PLXDC2: variants seen among roughly 807,000 people sequenced by gnomAD.
The protein encoded by PLXDC2 is plexin domain containing 2, also known as plexin domain-containing protein 2.
Under a neutral mutation model 68.9 loss-of-function variants are expected in PLXDC2, and 40 were observed. The ratio of observed to expected loss-of-function variants is 0.58; its 90% CI spans 0.45 to 0.76. The LOEUF is 0.76. Among genes scored for constraint, PLXDC2 ranks in the 30% least tolerant of loss-of-function variants. The probability of loss-of-function intolerance (pLI) is 0.00; values close to 1 mark genes in which losing one functional copy is unlikely to be tolerated. For synonymous variants in PLXDC2, 243 were observed against 234.2 expected (o/e 1.04, Z -0.34); for missense variants, 644 against 661.9 (o/e 0.97, Z 0.30).
chr10:20,044,203 CTCTCTCTGTCTTTCTTTCTTTCTTTCTTT>C (rs1835740600), intron 2 of PLXDC2, among the ~76,000 whole-genome samples: 2 of 131,210 alleles, frequency 1.5e-5, no homozygotes, highest in African/African-American at 6.1e-5. Flanking sequence ...CTCTCTCTCT[CTCTCTCTGTCTTTCTTTCTTTCTTTCTTT>C]CTTTCTTTCT....
intron 4 of PLXDC2, among the ~76,000 whole-genome samples, chr10:20,135,290 G>A (rs761547696): frequency 1.3e-5 from 2 of 152,162 alleles, no homozygotes; most frequent in Non-Finnish European, 2.9e-5. Context: ...GGTACTTTGT[G>A]TACTATAAAA....
intron 1 of PLXDC2, among the ~76,000 whole-genome samples, chr10:19,956,285 T>A (rs932258213): frequency 6.6e-6 from 1 of 152,180 alleles, no homozygotes; most frequent in Non-Finnish European, 1.5e-5. Context: ...GGGGGGTGTC[T>A]CAGCACTTGA....
chr10:19,818,348 G>C (rs1836397718), intron 1 of PLXDC2, among the ~76,000 whole-genome samples: 1 of 151,376 alleles, frequency 6.6e-6, no homozygotes, highest in East Asian at 2.0e-4. Flanking sequence ...GAAGGTTGGG[G>C]GACACCTGGG....
intron 4 of PLXDC2, among the ~76,000 whole-genome samples, chr10:20,093,542 T>G (rs1833308635): frequency 6.6e-6 from 1 of 152,192 alleles, no homozygotes; most frequent in South Asian, 2.1e-4. Flanking sequence ...TCTACCAAGT[T>G]CAGGAGAGTT....
rs2131378034 is a variant in PLXDC2 at position 19,916,963 on chromosome 10, A to G, written c.113-84812A>G. Among the ~76,000 whole-genome samples the G allele has an allele frequency of 2.0e-5, 3 of 152,334 alleles. No homozygotes were observed. In the South Asian group the frequency reaches 6.2e-4, roughly 32 times the overall value. ...ACTTTTTAGTCATTCAAAAAGAGGG[A>G]TGATTAAAAATAATGAAAGTATTAT... On this transcript the variant is annotated intron_variant, in intron 1 of 13. Coordinates refer to ENST00000377252, the MANE Select transcript of PLXDC2 (RefSeq NM_032812.9).
At chr10:19,984,628 C>T (rs1158209481) in intron 1 of PLXDC2, among the ~76,000 whole-genome samples, 9 of 152,146 alleles carry the variant, frequency 5.9e-5, no homozygotes, top group South Asian at 2.1e-4. Flanking sequence ...GTGATTTCTG[C>T]GCATGACTGA....
At chr10:20,132,950 G>A (rs1214081843) in intron 4 of PLXDC2, among the ~76,000 whole-genome samples, 1 of 150,950 alleles carries the variant, frequency 6.6e-6, no homozygotes, top group East Asian at 1.9e-4. Context: ...ATAATTTTTT[G>A]TCGTGATTTG....
rs141019427 is a variant in PLXDC2 at position 20,239,180 on chromosome 10, C to T, written c.1313-6165C>T. 8.7e-4 allele frequency among the ~76,000 whole-genome samples: 132 copies of T among 152,152 alleles called. 1 individual carries two copies. Among genetic ancestry groups the T allele is most frequent in the African/African-American group, 3.1e-3 (130 of 41,520 alleles). On this transcript the variant is annotated intron_variant, in intron 12 of 13. Coordinates refer to ENST00000377252, the MANE Select transcript of PLXDC2 (RefSeq NM_032812.9). ...TTTTACTAAGTATGTGAGAAAGATGCTTGTTTAGTTTTTGTTTGCTTTTGG... is the reference window on the plus strand; with the variant it reads ...TTTTACTAAGTATGTGAGAAAGATGTTTGTTTAGTTTTTGTTTGCTTTTGG...
intron 6 of PLXDC2, among the ~76,000 whole-genome samples, chr10:20,151,097 C>T (rs1364947404): frequency 6.6e-6 from 1 of 152,176 alleles, no homozygotes; most frequent in Non-Finnish European, 1.5e-5. Context: ...GCAGTTTCTA[C>T]TTTTCTAGTC....
intron 1 of PLXDC2, among the ~76,000 whole-genome samples, chr10:19,939,180 G>A (rs1326228): frequency 0.29 from 44,049 of 152,068 alleles, 6,394 homozygotes; most frequent in African/African-American, 0.32. Context: ...CAAAGTAATC[G>A]ATTAACACAT....
At chr10:20,098,346 C>CGT (rs762519549) in intron 4 of PLXDC2, among the ~76,000 whole-genome samples, 6,047 of 103,068 alleles carry the variant, frequency 0.059, 150 homozygotes, top group South Asian at 0.14. Flanking sequence ...CATTTTCGTG[C>CGT]GTGTGTGTGT....
chr10:20,241,216 T>G (rs1762516453), intron 12 of PLXDC2, among the ~76,000 whole-genome samples: 1 of 152,230 alleles, frequency 6.6e-6, no homozygotes, highest in Non-Finnish European at 1.5e-5. Flanking sequence ...TATTTATGTC[T>G]AAATAAAGGT....
intron 1 of PLXDC2, among the ~76,000 whole-genome samples, chr10:19,851,830 G>A (rs1295714216): frequency 6.6e-6 from 1 of 152,228 alleles, no homozygotes; most frequent in Non-Finnish European, 1.5e-5. Flanking sequence ...TTACAGGCAT[G>A]AGCCACTGCA....
intron 1 of PLXDC2, among the ~76,000 whole-genome samples, chr10:19,951,721 C>A (rs940119869): frequency 2.6e-5 from 4 of 152,270 alleles, no homozygotes; most frequent in Non-Finnish European, 4.4e-5. Flanking sequence ...CAGCACTATT[C>A]ATAGCAAAGA....
intron 1 of PLXDC2, among the ~76,000 whole-genome samples, chr10:19,949,230 C>G (rs1211138433): frequency 6.6e-6 from 1 of 150,840 alleles, no homozygotes; most frequent in Non-Finnish European, 1.5e-5. Flanking sequence ...CTGGAAGAGT[C>G]TAGGGTCTAA....
At chr10:20,159,754 A>G (rs906531146) in intron 6 of PLXDC2, among the ~76,000 whole-genome samples, 1 of 152,048 alleles carries the variant, frequency 6.6e-6, no homozygotes, top group Admixed American at 6.6e-5. Flanking sequence ...TGTAGAGACA[A>G]CCTTTTAACT....
chr10:20,048,806 C>A (rs1402462236), intron 3 of PLXDC2, among the ~76,000 whole-genome samples: 1 of 152,082 alleles, frequency 6.6e-6, no homozygotes, highest in African/African-American at 2.4e-5. Flanking sequence ...AGCCTGTTCT[C>A]TTTGCAATAG....
At chr10:20,104,166 C>T (rs1833460060) in intron 4 of PLXDC2, among the ~76,000 whole-genome samples, 1 of 152,122 alleles carries the variant, frequency 6.6e-6, no homozygotes, top group Non-Finnish European at 1.5e-5. Flanking sequence ...GAATTAGTCA[C>T]ATTTATCTTG....
chr10:20,184,399 A>G (rs1182398154), intron 9 of PLXDC2, among the ~76,000 whole-genome samples: 2 of 148,714 alleles, frequency 1.3e-5, no homozygotes, highest in Non-Finnish European at 3.0e-5. Context: ...AAAATTGTAT[A>G]CAAACGATAT....
Sources: gnomAD v4.1 joint callset for allele counts (sites outside exome capture counted in the v4.1 genomes callset) on GRCh38, gnomAD v4.1.1 for gene constraint, MANE v1.5 for transcripts, NCBI Gene and HGNC (gene_info 2026-07-23, HGNC 2026-07-21) for gene names.